Variants in LGSN observed in about 807,000 individuals in gnomAD.
The protein encoded by LGSN is lengsin.
LGSN carries 21 observed loss-of-function variants against 19.5 expected under a neutral mutation model. The observed-to-expected ratio is 1.07, with a 90% confidence interval of 0.76 to 1.55. LGSN has a LOEUF of 1.55. Among genes scored for constraint, LGSN ranks in the 40% most tolerant of loss-of-function variants. The pLI is 0.00. For missense variants in LGSN, 673 were observed against 608.5 expected (o/e 1.11, Z -1.12); for synonymous variants, 257 against 215.6 (o/e 1.19, Z -1.68).
chr6:63,298,955 T>C (rs1768085804), intron 1 of LGSN, among the ~76,000 whole-genome samples: 1 of 152,224 alleles, frequency 6.6e-6, no homozygotes, highest in Non-Finnish European at 1.5e-5. Context: ...ATCTTTTGGC[T>C]TAGTTACTAT....
the LGSN span, among the ~76,000 whole-genome samples, chr6:63,556,784 T>C: frequency 1.3e-5 from 2 of 152,162 alleles, no homozygotes; most frequent in Admixed American, 1.3e-4. Flanking sequence ...AACGTAAAAG[T>C]GAGTTGTTAA....
intron 1 of LGSN, among the ~76,000 whole-genome samples, chr6:63,296,576 C>T (rs1233243840): frequency 6.6e-6 from 1 of 151,756 alleles, no homozygotes; most frequent in African/African-American, 2.4e-5. Context: ...ATTATCAATG[C>T]AATATGAGCA....
chr6:63,318,455 C>T (rs778805820), intron 1 of LGSN, among the ~76,000 whole-genome samples: 1 of 152,128 alleles, frequency 6.6e-6, no homozygotes. Context: ...CCTGAGAATG[C>T]GAACCTATAC....
the LGSN span, among the ~76,000 whole-genome samples, chr6:63,344,537 G>A: frequency 2.6e-5 from 4 of 152,280 alleles, no homozygotes; most frequent in South Asian, 8.3e-4. Context: ...GAAGTGAAAA[G>A]AGTTCCCATG....
the LGSN span, among the ~76,000 whole-genome samples, chr6:63,534,933 A>G: frequency 2.0e-5 from 3 of 151,842 alleles, no homozygotes; most frequent in Non-Finnish European, 4.4e-5. Context: ...GGTGGCACAC[A>G]TCTGTAATCC....
chr6:63,500,929 T>A, the LGSN span, among the ~76,000 whole-genome samples: 1 of 151,992 alleles, frequency 6.6e-6, no homozygotes. Context: ...GATTTTGCCA[T>A]GTTGGCCAGG....
chr6:63,358,449 T>G, the LGSN span, among the ~76,000 whole-genome samples: 5 of 152,216 alleles, frequency 3.3e-5, no homozygotes, highest in African/African-American at 4.8e-5. Context: ...CAATATTGAT[T>G]CTTCCTACCC....
At chr6:63,491,607 TAATA>T in the LGSN span, among the ~76,000 whole-genome samples, 2 of 151,634 alleles carry the variant, frequency 1.3e-5, no homozygotes, top group Non-Finnish European at 2.9e-5. Context: ...TTTTAACATA[TAATA>T]AATAATCAAT....
At chr6:63,432,676 A>T in the LGSN span, among the ~76,000 whole-genome samples, 1 of 151,912 alleles carries the variant, frequency 6.6e-6, no homozygotes, top group African/African-American at 2.4e-5. Context: ...TGGGCAACAG[A>T]GCAAAACTCT....
At chr6:63,560,338 CAAA>C in the LGSN span, among the ~76,000 whole-genome samples, 2 of 50,576 alleles carry the variant, frequency 4.0e-5, no homozygotes, top group Non-Finnish European at 4.3e-5. Context: ...GACTCCGTCT[CAAA>C]AAAAAAAAAA....
the LGSN span, among the ~76,000 whole-genome samples, chr6:63,432,148 A>G: frequency 8.2e-6 from 1 of 122,348 alleles, no homozygotes; most frequent in Non-Finnish European, 1.6e-5. Context: ...AAAGAAAGAA[A>G]GAAAGAAAGA....
intron 1 of LGSN, among the ~76,000 whole-genome samples, chr6:63,311,478 C>T (rs943946985): frequency 4.6e-5 from 7 of 152,196 alleles, no homozygotes; most frequent in Non-Finnish European, 8.8e-5. Context: ...AAGAGTCACC[C>T]ATTTCAAACT....
chr6:63,337,185 A>C, the LGSN span, among the ~76,000 whole-genome samples: 1 of 152,004 alleles, frequency 6.6e-6, no homozygotes, highest in East Asian at 2.0e-4. Context: ...GGTCTCCCAA[A>C]GTGCTGGGAT....
At chr6:63,327,897 G>A in the LGSN span, among the ~76,000 whole-genome samples, 449 of 151,974 alleles carry the variant, frequency 3.0e-3, 3 homozygotes, top group African/African-American at 0.01. Context: ...GATGGCTTTG[G>A]TAGTGTAAGA....
At chr6:63,449,121 G>A in the LGSN span, among the ~76,000 whole-genome samples, 1 of 152,108 alleles carries the variant, frequency 6.6e-6, no homozygotes, top group South Asian at 2.1e-4. Flanking sequence ...ATTGCGGATA[G>A]GTCCTGGAAC....
chr6:63,328,234 A>T, the LGSN span, among the ~76,000 whole-genome samples: 1 of 152,124 alleles, frequency 6.6e-6, no homozygotes, highest in African/African-American at 2.4e-5. Context: ...TTCCATTGGT[A>T]TATAGGTTAA....
chr6:63,469,865 C>T, the LGSN span, among the ~76,000 whole-genome samples: 45 of 152,166 alleles, frequency 3.0e-4, no homozygotes, highest in Non-Finnish European at 5.7e-4. Flanking sequence ...TACAGGCATG[C>T]GCCACCACAC....
the LGSN span, among the ~76,000 whole-genome samples, chr6:63,481,349 A>ATTTT: frequency 4.1e-5 from 6 of 147,926 alleles, no homozygotes; most frequent in Non-Finnish European, 7.4e-5. Context: ...CCCAAAAGCT[A>ATTTT]TTTTTTTTTT....
the LGSN span, among the ~76,000 whole-genome samples, chr6:63,359,352 T>TTTA: frequency 2.0e-5 from 3 of 152,208 alleles, no homozygotes; most frequent in Non-Finnish European, 2.9e-5. Context: ...CCTCATAAAA[T>TTTA]GAGTTAGAGA....
Sources: gnomAD v4.1 joint callset for allele counts (sites outside exome capture counted in the v4.1 genomes callset) on GRCh38, gnomAD v4.1.1 for gene constraint, MANE v1.5 for transcripts, NCBI Gene and HGNC (gene_info 2026-07-23, HGNC 2026-07-21) for gene names.